Variants in SGCD observed in about 807,000 individuals in gnomAD.
SGCD encodes the protein sarcoglycan delta.
SGCD carries 18 observed loss-of-function variants against 36.6 expected under a neutral mutation model. The observed-to-expected ratio is 0.49, with a 90% CI of 0.34 to 0.73. The LOEUF (loss-of-function observed/expected upper bound fraction) is 0.73. Ranked by LOEUF, SGCD falls within the 30% of genes least tolerant of loss-of-function variation. The probability of loss-of-function intolerance (pLI) is 0.01; values close to 1 mark genes in which losing one functional copy is unlikely to be tolerated. For synonymous variants in SGCD, 133 were observed against 130.6 expected (o/e 1.02, Z -0.12); for missense variants, 387 against 346.7 (o/e 1.12, Z -0.92).
At chr5:156,621,277 C>T (rs1479981621) in intron 6 of SGCD, among the ~76,000 whole-genome samples, 1 of 152,102 alleles carries the variant, frequency 6.6e-6, no homozygotes, top group South Asian at 2.1e-4. Flanking sequence ...CTGCAACCTC[C>T]GACTCTCAGG....
chr5:155,860,817 A>G, the SGCD span, among the ~76,000 whole-genome samples: 2 of 152,360 alleles, frequency 1.3e-5, no homozygotes, highest in South Asian at 2.1e-4. Context: ...TCCAGGGAAT[A>G]TAGCTTTTGA....
intron 3 of SGCD, among the ~76,000 whole-genome samples, chr5:156,362,715 G>C (rs767227325): frequency 6.6e-6 from 1 of 152,160 alleles, no homozygotes; most frequent in East Asian, 1.9e-4. Flanking sequence ...TAGTCTCTGG[G>C]ATGGACCACT....
chr5:155,823,782 A>C, the SGCD span, among the ~76,000 whole-genome samples: 1 of 152,310 alleles, frequency 6.6e-6, no homozygotes, highest in East Asian at 1.9e-4. Context: ...TAGACAAAGC[A>C]TTGCCTGGCT....
intron 1 of SGCD, among the ~76,000 whole-genome samples, chr5:156,054,532 G>A (rs1486045133): frequency 1.4e-5 from 2 of 145,986 alleles, no homozygotes; most frequent in African/African-American, 2.5e-5. Flanking sequence ...TGATCCACCC[G>A]CCTCAGCCTC....
chr5:156,714,138 T>C (rs1199614623), intron 7 of SGCD, among the ~76,000 whole-genome samples: 2 of 152,278 alleles, frequency 1.3e-5, no homozygotes, highest in African/African-American at 4.8e-5. Context: ...TTCACTGTGT[T>C]TACACATTTA....
intron 3 of SGCD, among the ~76,000 whole-genome samples, chr5:156,235,697 A>G (rs187211612): frequency 2.6e-5 from 4 of 152,286 alleles, no homozygotes; most frequent in Non-Finnish European, 5.9e-5. Flanking sequence ...TAGTCTTAGA[A>G]TTTTCATTAA....
chr5:155,897,954 G>A (rs578223647), intron 1 of SGCD, among the ~76,000 whole-genome samples: 3 of 152,160 alleles, frequency 2.0e-5, no homozygotes, highest in Non-Finnish European at 2.9e-5. Context: ...AATTGCTAGC[G>A]TCTAGACATA....
intron 1 of SGCD, among the ~76,000 whole-genome samples, chr5:155,939,251 T>C (rs756912215): frequency 1.1e-4 from 16 of 152,238 alleles, no homozygotes; most frequent in Non-Finnish European, 1.8e-4. Context: ...GTAATGACTA[T>C]GTTAATCAGC....
intron 3 of SGCD, among the ~76,000 whole-genome samples, chr5:156,259,305 T>A (rs1308032215): frequency 6.6e-6 from 1 of 151,958 alleles, no homozygotes; most frequent in Admixed American, 6.6e-5. Flanking sequence ...ATCGTTTTAT[T>A]GGGACATTTA....
At chr5:156,206,204 G>T (rs974502651) in intron 3 of SGCD, among the ~76,000 whole-genome samples, 3 of 151,744 alleles carry the variant, frequency 2.0e-5, no homozygotes, top group Non-Finnish European at 2.9e-5. Context: ...TGTGAAAATT[G>T]TTTTGTACTT....
At chr5:156,570,662 C>T (rs1243838339) in intron 4 of SGCD, among the ~76,000 whole-genome samples, 1 of 152,160 alleles carries the variant, frequency 6.6e-6, no homozygotes, top group East Asian at 1.9e-4. Flanking sequence ...TTCAGGGGTA[C>T]ATGCACAGCA....
intron 3 of SGCD, among the ~76,000 whole-genome samples, chr5:156,300,674 T>A (rs886768031): frequency 6.6e-6 from 1 of 152,088 alleles, no homozygotes; most frequent in Non-Finnish European, 1.5e-5. Flanking sequence ...TACTTGATTT[T>A]ATGTCTGGAT....
intron 1 of SGCD, among the ~76,000 whole-genome samples, chr5:155,904,372 T>G (rs570357688): frequency 3.3e-5 from 5 of 152,186 alleles, no homozygotes; most frequent in South Asian, 2.1e-4. Flanking sequence ...ACACTGAACA[T>G]AAAATTAGCC....
At chr5:156,472,837 A>G (rs1260640514) in intron 3 of SGCD, among the ~76,000 whole-genome samples, 1 of 152,226 alleles carries the variant, frequency 6.6e-6, no homozygotes, top group African/African-American at 2.4e-5. Context: ...AAACTAATCT[A>G]TGTGATAAAA....
rs1282480627 is a variant in SGCD at position 156,595,038 on chromosome 5, A to G, written c.489A>G (p.Arg163=). 6.2e-7 allele frequency: 1 copy of G among 1,611,958 alleles called. No individual in the cohort carries two copies. Among genetic ancestry groups the G allele is most frequent in the African/African-American group, 1.3e-5 (1 of 74,982 alleles). The change falls in exon 6 of 9, where the codon AGA becomes AGG. Residue 163 remains arginine (R), a synonymous_variant. Transcript: ENST00000337851. ...DNNEVVVGAE[R]LRVLGAEGTV... is the part of the protein sequence containing the mutation. ...ATGAAGTGGTAGTAGGAGCTGAAAG[A>G]TTACGAGTTTTAGGTAAGGAAACTT...
intron 1 of SGCD, among the ~76,000 whole-genome samples, chr5:156,044,581 C>A (rs890204357): frequency 3.3e-5 from 5 of 152,090 alleles, no homozygotes; most frequent in African/African-American, 1.2e-4. Context: ...AACCATTGAT[C>A]ATAATTGTAG....
chr5:155,982,468 A>C (rs1228527898), intron 1 of SGCD, among the ~76,000 whole-genome samples: 1 of 152,190 alleles, frequency 6.6e-6, no homozygotes, highest in Non-Finnish European at 1.5e-5. Context: ...ATTCTTTTCC[A>C]ATCTCAGTAT....
At chr5:156,486,591 G>A (rs1300719826) in intron 3 of SGCD, among the ~76,000 whole-genome samples, 1 of 152,180 alleles carries the variant, frequency 6.6e-6, no homozygotes, top group East Asian at 1.9e-4. Context: ...GTCAATGCCT[G>A]CATACACTAT....
chr5:155,782,742 T>C, the SGCD span, among the ~76,000 whole-genome samples: 1 of 152,156 alleles, frequency 6.6e-6, no homozygotes, highest in Non-Finnish European at 1.5e-5. Context: ...ATTAGATTCT[T>C]ACAGGAGCAT....
Sources: gnomAD v4.1 joint callset for allele counts (sites outside exome capture counted in the v4.1 genomes callset) on GRCh38, gnomAD v4.1.1 for gene constraint, MANE v1.5 for transcripts, NCBI Gene and HGNC (gene_info 2026-07-23, HGNC 2026-07-21) for gene names.